Variants in REG4 observed in about 807,000 individuals in gnomAD.
The protein encoded by REG4 is regenerating family member 4, also known as regenerating islet-derived protein 4.
A neutral mutation model predicts 22.3 loss-of-function variants in REG4; 16 were observed. The observed-to-expected ratio is 0.72, with a 90% CI of 0.49 to 1.09. REG4 has a LOEUF of 1.09. Among genes scored for constraint, REG4 ranks in the 50% least tolerant of loss-of-function variants. The probability of loss-of-function intolerance (pLI) is 0.00; values close to 1 mark genes in which losing one functional copy is unlikely to be tolerated. For synonymous variants in REG4, 71 were observed against 69.2 expected, an observed-to-expected ratio of 1.03 and a Z score of -0.13; for missense variants, 214 against 193.9, an observed-to-expected ratio of 1.10 and a Z score of -0.61.
At chr1:119,800,159 C>T (rs1386805639) in intron 3 of REG4, among the ~76,000 whole-genome samples, 2 of 152,224 alleles carry the variant, frequency 1.3e-5, no homozygotes, top group South Asian at 2.1e-4. Context: ...CAAGTCACTT[C>T]ACCTCTCTGA....
In REG4 at chr1:119,798,621, G is replaced by C. The variant is rs372005105; in HGVS notation, c.304-19C>G. On this transcript the variant is annotated intron_variant, in intron 4 of 5. Transcript: ENST00000256585. ...GCTGCCTCTGCAACAACAGGAGATG[G>C]AGAAGTGTACAGCTCAGCAACCCAC... 9.3e-6 allele frequency: 15 copies of C among 1,606,920 alleles called. No homozygotes were observed. The African/African-American group carries it at 1.9e-4, about 20-fold the overall frequency.
chr1:119,808,172 C>T (rs927840860), intron 2 of REG4, among the ~76,000 whole-genome samples: 3 of 152,218 alleles, frequency 2.0e-5, no homozygotes, highest in Admixed American at 1.3e-4. Flanking sequence ...TTAGCTCACT[C>T]GTACACTGTT....
At chr1:119,806,970 T>C (rs935576991) in intron 2 of REG4, among the ~76,000 whole-genome samples, 1 of 152,218 alleles carries the variant, frequency 6.6e-6, no homozygotes, top group Non-Finnish European at 1.5e-5. Context: ...GCCTAGTGTA[T>C]AGGAATTGTT....
At chr1:119,804,657 C>A (rs938430306) in intron 2 of REG4, among the ~76,000 whole-genome samples, 5 of 152,162 alleles carry the variant, frequency 3.3e-5, no homozygotes, top group Admixed American at 1.3e-4. Context: ...AGCCTTTATG[C>A]CATTGCCGTT....
At position 119,808,688 on chromosome 1, in the gene REG4, G is replaced by A. The variant is rs587768640; in HGVS notation, c.67+15C>T. The A allele has an allele frequency of 1.2e-5, 20 of 1,602,072 alleles. No homozygotes were observed. Among genetic ancestry groups the A allele is most frequent in the African/African-American group, 8.0e-5 (6 of 74,738 alleles). On this transcript the variant is annotated intron_variant, in intron 2 of 5. Transcript: ENST00000256585. The stretch of plus-strand genomic sequence containing the variant: ...CTGGCTGTGGCTCAGTTCCAGCTAC[G>A]TGATGGATACTCACCACCCAGGACT...
intron 3 of REG4, chr1:119,801,896 T>C (rs1261740263): frequency 6.6e-6 from 1 of 152,166 alleles, no homozygotes; most frequent in Non-Finnish European, 1.5e-5. Context: ...TTTATGCGAG[T>C]CGTTTTAATG....
chr1:119,797,181 G>A (rs997304746), intron 5 of REG4, among the ~76,000 whole-genome samples: 4 of 123,214 alleles, frequency 3.2e-5, no homozygotes, highest in African/African-American at 1.1e-4. Flanking sequence ...TTATGTGTTT[G>A]AGCAGTGCTA....
chr1:119,809,195 T>A, intron 1 of REG4: 1 of 154,958 alleles, frequency 6.5e-6, no homozygotes, highest in Non-Finnish European at 1.4e-5. Flanking sequence ...AAGACGGATA[T>A]GGGCATTCTG....
At position 119,805,360 on chromosome 1, in the gene REG4, C is replaced by A. The variant is rs34250481; in HGVS notation, c.68-2195G>T. 5.8e-3 allele frequency among the ~76,000 whole-genome samples: 878 copies of A among 152,228 alleles called. 1 individual carries two copies. Among genetic ancestry groups the A allele is most frequent in the Non-Finnish European group, 9.2e-3 (624 of 68,008 alleles). ...GGCAAAGAGGAACCCAAATTTCTGA[C>A]CTTTGGCCCGAGGACAAAGACCCCT... On this transcript the variant is annotated intron_variant, in intron 2 of 5. Coordinates refer to ENST00000256585, the MANE Select transcript of REG4 (RefSeq NM_032044.4).
chr1:119,805,013 C>G (rs587712343), intron 2 of REG4, among the ~76,000 whole-genome samples: 2 of 152,282 alleles, frequency 1.3e-5, no homozygotes, highest in African/African-American at 4.8e-5. Context: ...TGCCCACGGT[C>G]ACACAGTAAG....
chr1:119,794,720 A>G (rs374564784), intron 5 of REG4, 35 bp from the exon 6 acceptor site: 1 of 1,582,114 alleles, frequency 6.3e-7, no homozygotes, highest in Non-Finnish European at 8.7e-7. Context: ...AAATCCATTC[A>G]GTACTATACT....
Position 119,804,869 on chromosome 1 carries a change from C to T in REG4, c.68-1704G>A, listed in dbSNP as rs587753852. On this transcript the variant is annotated intron_variant, in intron 2 of 5. Transcript: ENST00000256585. ...CCTCCTTCCTCACTTTTCTATCTCT[C>T]TCCCCTCCCCTTTCTGCCCCTCACC... Among the ~76,000 whole-genome samples, 8 of 152,256 alleles carry T rather than the reference C, an allele frequency of 5.3e-5. 1 individual carries two copies. The South Asian group carries it at 1.7e-3, about 32-fold the overall frequency.
chr1:119,802,881 C>T (rs587754139), intron 3 of REG4, 187 bp downstream of exon 3: 1 of 1,553,142 alleles, frequency 6.4e-7, no homozygotes, highest in African/African-American at 1.4e-5. Context: ...ACAGCACCTG[C>T]TTCAGCAATG....
intron 3 of REG4, 117 bp from the exon 4 acceptor site, chr1:119,799,979 A>G (rs1654049505): frequency 5.3e-6 from 7 of 1,309,250 alleles, no homozygotes; most frequent in Admixed American, 1.9e-5. Context: ...TCCTCCACAC[A>G]TCGTGCTCTA....
chr1:119,802,560 C>T, intron 3 of REG4: 2 of 1,153,456 alleles, frequency 1.7e-6, no homozygotes, highest in Non-Finnish European at 2.1e-6. Flanking sequence ...ATCTCTCAGA[C>T]AAAGCTTCAA....
At chr1:119,803,887 C>A (rs1415128306) in intron 2 of REG4, among the ~76,000 whole-genome samples, 3 of 152,138 alleles carry the variant, frequency 2.0e-5, no homozygotes, top group Non-Finnish European at 4.4e-5. Flanking sequence ...ATAGAAACAG[C>A]AAGCACTTAA....
intron 2 of REG4, 149 bp from the exon 3 acceptor site, chr1:119,803,314 C>T: frequency 1.3e-6 from 1 of 763,138 alleles, no homozygotes; most frequent in Non-Finnish European, 1.9e-6. Context: ...ATACAGCTTA[C>T]CCTTCTTCTG....
At chr1:119,807,711 G>T (rs1355765588) in intron 2 of REG4, among the ~76,000 whole-genome samples, 3 of 152,312 alleles carry the variant, frequency 2.0e-5, no homozygotes, top group Non-Finnish European at 2.9e-5. Flanking sequence ...CTGGTGTAGG[G>T]TTGAAGACAA....
At chr1:119,809,828 A>C (rs1654440634) in intron 1 of REG4, among the ~76,000 whole-genome samples, 1 of 152,204 alleles carries the variant, frequency 6.6e-6, no homozygotes, top group African/African-American at 2.4e-5. Flanking sequence ...CTAAGCTCCC[A>C]GAGAATGCTT....
Sources: gnomAD v4.1 joint callset for allele counts (sites outside exome capture counted in the v4.1 genomes callset) on GRCh38, gnomAD v4.1.1 for gene constraint, MANE v1.5 for transcripts, NCBI Gene and HGNC (gene_info 2026-07-23, HGNC 2026-07-21) for gene names.